Variants in PDE1C observed in about 807,000 individuals in gnomAD.
PDE1C encodes the protein phosphodiesterase 1C, also known as dual specificity calcium/calmodulin-dependent 3',5'-cyclic nucleotide phosphodiesterase 1C.
A neutral mutation model predicts 93.1 loss-of-function variants in PDE1C; 62 were observed. The observed-to-expected ratio is 0.67, with a 90% CI of 0.54 to 0.82. The LOEUF is 0.82. Ranked by LOEUF, PDE1C falls within the 40% of genes least tolerant of loss-of-function variation. The pLI is 0.00. For missense variants in PDE1C, 742 were observed against 884.6 expected (o/e 0.84, Z 2.04); for synonymous variants, 325 against 310.1 (o/e 1.05, Z -0.50).
At chr7:32,087,193 T>C (rs1797145734) in intron 3 of PDE1C, among the ~76,000 whole-genome samples, 1 of 148,206 alleles carries the variant, frequency 6.7e-6, no homozygotes, top group South Asian at 2.2e-4. Context: ...GGGCGAAGGA[T>C]ATGAATAGAG....
chr7:31,643,202 A>C, the PDE1C span: 6 of 1,613,990 alleles, frequency 3.7e-6, no homozygotes, highest in South Asian at 4.4e-5. Context: ...AAGTTCCTTC[A>C]TGTTGACTCT....
intron 1 of PDE1C, among the ~76,000 whole-genome samples, chr7:32,362,076 G>A (rs1243744756): frequency 6.6e-6 from 1 of 152,186 alleles, no homozygotes; most frequent in Non-Finnish European, 1.5e-5. Context: ...TGTGGCAGGA[G>A]CACAGAGGAG....
rs144247627 is a variant in PDE1C, at chr7:32,417,117, G to A, written c.310+10705C>T. ...GTGTGCTCAAAAGGACCAAAGCTGC[G>A]AGAAGCATTTACCACGAGCTGAGCG... On this transcript the variant is annotated intron_variant, in intron 1 of 1. Transcript: ENST00000672256. Among the ~76,000 whole-genome samples the A allele has an allele frequency of 3.0e-3, 452 of 152,218 alleles. 4 individuals carry two copies. The Middle Eastern group carries it at 0.048, about 16-fold the overall frequency.
chr7:32,117,614 T>G (rs543035657), intron 3 of PDE1C, among the ~76,000 whole-genome samples: 5 of 152,208 alleles, frequency 3.3e-5, no homozygotes, highest in African/African-American at 1.2e-4. Flanking sequence ...CATATACACA[T>G]GTGCATACCA....
At chr7:31,648,108 A>G in the PDE1C span, among the ~76,000 whole-genome samples, 1 of 152,232 alleles carries the variant, frequency 6.6e-6, no homozygotes, top group African/African-American at 2.4e-5. Flanking sequence ...AGATTTCTGA[A>G]TATTAGAAGT....
chr7:32,180,553 C>T (rs1158252371), intron 2 of PDE1C, among the ~76,000 whole-genome samples: 2 of 152,254 alleles, frequency 1.3e-5, no homozygotes, highest in Non-Finnish European at 2.9e-5. Flanking sequence ...GACACAGCAA[C>T]CAGTCATCAT....
At chr7:31,663,540 G>A in the PDE1C span, among the ~76,000 whole-genome samples, 1 of 152,144 alleles carries the variant, frequency 6.6e-6, no homozygotes, top group Non-Finnish European at 1.5e-5. Flanking sequence ...AAAAAAGCAG[G>A]AACTTTTTTC....
intron 3 of PDE1C, among the ~76,000 whole-genome samples, chr7:32,078,401 A>C (rs752548921): frequency 6.6e-5 from 10 of 152,182 alleles, no homozygotes; most frequent in Non-Finnish European, 1.2e-4. Flanking sequence ...TGCTCAGTTA[A>C]GAAAAGATGC....
chr7:32,123,821 C>T (rs2158688), intron 3 of PDE1C, among the ~76,000 whole-genome samples: 30,428 of 152,178 alleles, frequency 0.2, 3,747 homozygotes, highest in Middle Eastern at 0.31. Context: ...TCTCTTACCA[C>T]ACCTATTCAA....
intron 17 of PDE1C, among the ~76,000 whole-genome samples, chr7:31,769,578 T>A (rs560468818): frequency 7.3e-4 from 111 of 152,350 alleles, no homozygotes; most frequent in Admixed American, 1.6e-3. Flanking sequence ...TTTGTCTATC[T>A]TCCATGCTTT....
chr7:32,001,014 G>T (rs1030864282), intron 2 of PDE1C, among the ~76,000 whole-genome samples: 1 of 151,958 alleles, frequency 6.6e-6, no homozygotes, highest in Non-Finnish European at 1.5e-5. Flanking sequence ...GTGTGTGTGT[G>T]TGTATGTATG....
chr7:31,869,286 G>A (rs1795650350), intron 6 of PDE1C, among the ~76,000 whole-genome samples: 1 of 152,104 alleles, frequency 6.6e-6, no homozygotes, highest in Non-Finnish European at 1.5e-5. Context: ...AACCTTGAAT[G>A]TACATCAATT....
chr7:31,867,062 C>T (rs542096302), intron 6 of PDE1C, among the ~76,000 whole-genome samples: 2 of 152,220 alleles, frequency 1.3e-5, no homozygotes, highest in East Asian at 1.9e-4. Context: ...CTCAATAGTC[C>T]TTGTATCCCC....
At chr7:32,223,589 C>T (rs971375233) in intron 1 of PDE1C, among the ~76,000 whole-genome samples, 2 of 152,194 alleles carry the variant, frequency 1.3e-5, no homozygotes, top group African/African-American at 2.4e-5. Flanking sequence ...CCGTCTCAAG[C>T]ACCTATCAAT....
chr7:32,419,373 AAG>A (rs1396529715), intron 1 of PDE1C, among the ~76,000 whole-genome samples: 5 of 152,178 alleles, frequency 3.3e-5, no homozygotes, highest in South Asian at 2.1e-4. Flanking sequence ...AACAGAGAGA[AAG>A]AGAGAGAGCA....
intron 14 of PDE1C, among the ~76,000 whole-genome samples, chr7:31,821,151 T>C (rs1788915093): frequency 6.6e-6 from 1 of 152,114 alleles, no homozygotes; most frequent in Non-Finnish European, 1.5e-5. Context: ...TTTCTAAATA[T>C]AACACCTCCT....
chr7:31,625,553 A>G, the PDE1C span, among the ~76,000 whole-genome samples: 1 of 152,198 alleles, frequency 6.6e-6, no homozygotes, highest in East Asian at 1.9e-4. Context: ...ATTCTCACTC[A>G]TAGGTGGGAA....
chr7:31,726,671 T>A, the PDE1C span, among the ~76,000 whole-genome samples: 1 of 152,196 alleles, frequency 6.6e-6, no homozygotes, highest in Non-Finnish European at 1.5e-5. Flanking sequence ...TTGGCCAATA[T>A]GAGTGACTGT....
intron 2 of PDE1C, among the ~76,000 whole-genome samples, chr7:31,971,807 C>T (rs569001124): frequency 6.6e-6 from 1 of 152,344 alleles, no homozygotes; most frequent in Non-Finnish European, 1.5e-5. Context: ...GACTGTCCCT[C>T]CGTGTCTCCA....
Sources: allele counts gnomAD v4.1 joint callset (sites outside exome capture counted in the v4.1 genomes callset), GRCh38; gene constraint gnomAD v4.1.1; transcripts MANE v1.5; gene names NCBI Gene and HGNC (gene_info 2026-07-23, HGNC 2026-07-21).